GTSE1: variants seen among roughly 807,000 people sequenced by gnomAD.
GTSE1 encodes G2 and S phase-expressed protein 1.
A neutral mutation model predicts 60.5 loss-of-function variants in GTSE1; 52 were observed. The ratio of observed to expected loss-of-function variants is 0.86; its 90% CI spans 0.69 to 1.08. GTSE1 has a LOEUF of 1.08. GTSE1 is among the 50% of genes least tolerant of loss of function. GTSE1 has a pLI of 0.00. For synonymous variants in GTSE1, 368 were observed against 386.5 expected, an observed-to-expected ratio of 0.95 and a Z score of 0.56; for missense variants, 937 against 961.8, an observed-to-expected ratio of 0.97 and a Z score of 0.34.
rs2077759935 is a variant in GTSE1, at chr22:46,313,388, TGTG to T, written c.928-499_928-497del. On this transcript the variant is annotated intron_variant, in intron 5 of 11. Transcript: ENST00000454366. This position sits in a 1 kb window ranked among gnomAD's most constrained non-coding sequence, Gnocchi z 4.4. ...ATCTGCATTTCTGCTAGCTCCCTAA[TGTG>T]GTCCTCATGCAGGGGTTTGAAGACT... Among the ~76,000 whole-genome samples, 2 of 152,212 alleles carry T rather than the reference TGTG, an allele frequency of 1.3e-5. No homozygotes were observed. Among genetic ancestry groups the T allele is most frequent in the African/African-American group, 4.8e-5 (2 of 41,464 alleles).
chr22:46,316,498 A>G lies in GTSE1; in HGVS notation c.1432+86A>G, dbSNP rs2077781590. 1.0e-6 allele frequency: 1 copy of G among 975,458 alleles called. No homozygotes were observed. Among genetic ancestry groups the G allele is most frequent in the Admixed American group, 2.3e-5 (1 of 43,262 alleles). The allele number at this position is 975,458 out of a possible 1,614,324, so 60.4% of individuals were successfully genotyped here. ...TTTTAAACAATTATTGATGGCATTG[A>G]TGGTGTTTTTAGTTCTTTCCTCCAA... is the stretch of plus-strand genomic sequence containing the variant. On this transcript the variant is annotated intron_variant, in intron 7 of 11. Transcript: ENST00000454366. The surrounding 1 kb of genome is among the most constrained non-coding windows in gnomAD (Gnocchi z 5.0).
intron 6 of GTSE1, among the ~76,000 whole-genome samples, chr22:46,315,410 G>A (rs2077773155): frequency 6.6e-6 from 1 of 152,128 alleles, no homozygotes; most frequent in Non-Finnish European, 1.5e-5. Flanking sequence ...AGCCAGGCTG[G>A]TCTCGAACTC....
At chr22:46,305,728 G>A (rs2077711870) in intron 2 of GTSE1, among the ~76,000 whole-genome samples, 1 of 151,650 alleles carries the variant, frequency 6.6e-6, no homozygotes, top group Admixed American at 6.6e-5. Flanking sequence ...CCAACATGGT[G>A]AAACCGCATC....
chr22:46,329,469 G>A lies in GTSE1; in HGVS notation c.2038G>A (p.Val680Met), dbSNP rs1001507367. The change falls in exon 11 of 12, where the codon GTG becomes ATG. Residue 680 changes from valine (V) to methionine (M), a missense_variant. Coordinates refer to ENST00000454366, the MANE Select transcript of GTSE1 (RefSeq NM_016426.7). The surrounding 1 kb of genome is among the most constrained non-coding windows in gnomAD (Gnocchi z 6.4). ...IDFCDTPEAH[V>M]AVGSESRPLI... is the part of the protein sequence containing the mutation. The stretch of plus-strand genomic sequence containing the variant: ...CTTCTGCGATACCCCAGAAGCACAC[G>A]TGGCTGTAGGATCTGAAAGCAGGCC... The A allele has an allele frequency of 2.5e-6, 4 of 1,614,032 alleles. No homozygotes were observed. The highest frequency in any genetic ancestry group is 1.7e-5 in the Admixed American group (1 of 60,010).
In GTSE1 at chr22:46,304,151, C is replaced by T. The variant is rs1466832282; in HGVS notation, c.80-3999C>T. Among the ~76,000 whole-genome samples the T allele has an allele frequency of 6.6e-6, 1 of 151,956 alleles. No homozygotes were observed. Among genetic ancestry groups the T allele is most frequent in the Non-Finnish European group, 1.5e-5 (1 of 67,996 alleles). ...ACTACAGGTATATGGCACCATACCC[C>T]GCTCATTTTTTTTTTTCTTTTTGTA... On this transcript the variant is annotated intron_variant, in intron 2 of 11. Coordinates refer to ENST00000454366, the MANE Select transcript of GTSE1 (RefSeq NM_016426.7). This position sits in a 1 kb window ranked among gnomAD's most constrained non-coding sequence, Gnocchi z 4.4.
rs546328576 is a variant in GTSE1 at position 46,308,526 on chromosome 22, C to T, written c.345C>T (p.Ser115=). ...TACTGGCTTTACACATTGAGAGCAGCAGCCGGAACCAGGCAGCCCAAGCTG... is the reference window on the plus strand; with the variant it reads ...TACTGGCTTTACACATTGAGAGCAGTAGCCGGAACCAGGCAGCCCAAGCTG... The part of the protein sequence containing the change: ...AHLLALHIES[S]SRNQAAQAAK... The change falls in exon 4 of 12, where the codon AGC becomes AGT. Residue 115 remains serine (S), a synonymous_variant. Transcript: ENST00000454366. 1.9e-6 allele frequency: 3 copies of T among 1,614,202 alleles called. No individual in the cohort carries two copies. The highest frequency in any genetic ancestry group is 1.7e-5 in the Admixed American group (1 of 60,038).
chr22:46,297,266 C>G lies in GTSE1; in HGVS notation c.-21-114C>G. On this transcript the variant is annotated intron_variant, in intron 1 of 11. Coordinates refer to ENST00000454366, the MANE Select transcript of GTSE1 (RefSeq NM_016426.7). The surrounding 1 kb of genome is among the most constrained non-coding windows in gnomAD (Gnocchi z 4.9). ...CAGAGCGGCCCCCGCGCCGCCTCTC[C>G]CAGACCTGGCCGCGGCCTTCAGCTC... The G allele has an allele frequency of 1.4e-6, 1 of 714,454 alleles. No individual in the cohort carries two copies. Among genetic ancestry groups the G allele is most frequent in the Admixed American group, 2.2e-5 (1 of 45,946 alleles). The allele number at this position is 714,454 out of a possible 1,614,324, so 44.3% of individuals were successfully genotyped here.
Position 46,319,196 on chromosome 22 carries a change from C to T in GTSE1, c.1432+2784C>T, listed in dbSNP as rs1951915664. ...GGAGGGGCAGCCCGAGGCCGGCTCCCAGAGCGCCGCGTGACCAGAGCGGAC... is the reference window on the plus strand; with the variant it reads ...GGAGGGGCAGCCCGAGGCCGGCTCCTAGAGCGCCGCGTGACCAGAGCGGAC... On this transcript the variant is annotated intron_variant, in intron 7 of 11. Transcript: ENST00000454366. This position sits in a 1 kb window ranked among gnomAD's most constrained non-coding sequence, Gnocchi z 5.0. Among the ~76,000 whole-genome samples, 1 of 152,178 alleles carries T rather than the reference C, an allele frequency of 6.6e-6. No homozygotes were observed. The highest frequency in any genetic ancestry group is 2.4e-5 in the African/African-American group (1 of 41,440).
rs2077662508 is a variant in GTSE1 at position 46,297,288 on chromosome 22, GCT to G, written c.-21-85_-21-84del. The G allele has an allele frequency of 6.2e-6, 5 of 805,312 alleles. No homozygotes were observed. Among genetic ancestry groups the G allele is most frequent in the Non-Finnish European group, 8.6e-6 (4 of 467,730 alleles). 49.9% of individuals were successfully genotyped at this position (805,312 alleles called of 1,614,324 possible). A position where few individuals can be genotyped will look rare whatever the true frequency, so the allele number is the denominator to read the frequency against. ...CTCCCAGACCTGGCCGCGGCCTTCA[GCT>G]CTCTCTGCCTCTGTGAGCCGAGGGC... On this transcript the variant is annotated intron_variant, in intron 1 of 11. Transcript: ENST00000454366. This position sits in a 1 kb window ranked among gnomAD's most constrained non-coding sequence, Gnocchi z 4.9.
rs996681397 is a variant in GTSE1 at position 46,324,183 on chromosome 22, G to A, written c.1505+921G>A. Among the ~76,000 whole-genome samples the A allele has an allele frequency of 9.9e-5, 15 of 152,096 alleles. No individual in the cohort carries two copies. The highest frequency in any genetic ancestry group is 3.1e-4 in the African/African-American group (13 of 41,444). On this transcript the variant is annotated intron_variant, in intron 8 of 11. Coordinates refer to ENST00000454366, the MANE Select transcript of GTSE1 (RefSeq NM_016426.7). This position sits in a 1 kb window ranked among gnomAD's most constrained non-coding sequence, Gnocchi z 5.2. ...AGCTTGAGACACGCTTCGCGAGGTC[G>A]AACTAGCCAGTCCCTCACGTGCTGC...
intron 9 of GTSE1, among the ~76,000 whole-genome samples, chr22:46,327,702 T>TA (rs2077852061): frequency 6.6e-6 from 1 of 152,166 alleles, no homozygotes; most frequent in Non-Finnish European, 1.5e-5. Flanking sequence ...AAAAAACATA[T>TA]ATAATATCCG....
At chr22:46,315,964 C>T in intron 6 of GTSE1, 68 bp from the exon 7 acceptor site, 2 of 1,225,558 alleles carry the variant, frequency 1.6e-6, no homozygotes, top group Non-Finnish European at 2.3e-6. Context: ...GACAGCATAA[C>T]TTCTGTGTGT....
At position 46,308,355 on chromosome 22, in the gene GTSE1, T is replaced by C. The variant is rs1326739811; in HGVS notation, c.174T>C (p.Phe58=). Residue 58 remains phenylalanine, a synonymous_variant, in exon 4 of 12, where the codon TTT becomes TTC. Coordinates refer to ENST00000454366, the MANE Select transcript of GTSE1 (RefSeq NM_016426.7). ...ATGATGAAGTCTTCTTCGGACCCTT[T>C]GGACATAAAGAAAGATGTATTGCTG... ...NEDDEVFFGP[F]GHKERCIAAS... The C allele has an allele frequency of 6.2e-7, 1 of 1,614,146 alleles. No individual in the cohort carries two copies. The highest frequency in any genetic ancestry group is 8.5e-7 in the Non-Finnish European group (1 of 1,179,956).
rs2077787805 is a variant in GTSE1 at position 46,317,409 on chromosome 22, G to C, written c.1432+997G>C. ...CCCCTTATTTCTTCTCATGGTACTT[G>C]GGTTTTCTTTTACATCCTCGTGAGC... On this transcript the variant is annotated intron_variant, in intron 7 of 11. Transcript: ENST00000454366. The surrounding 1 kb of genome is among the most constrained non-coding windows in gnomAD (Gnocchi z 5.6). 6.6e-6 allele frequency among the ~76,000 whole-genome samples: 1 copy of C among 152,090 alleles called. No individual in the cohort carries two copies. The highest frequency in any genetic ancestry group is 2.1e-4 in the South Asian group (1 of 4,828).
At position 46,324,033 on chromosome 22, in the gene GTSE1, T is replaced by G. The variant is rs1269318085; in HGVS notation, c.1505+771T>G. On this transcript the variant is annotated intron_variant, in intron 8 of 11. Coordinates refer to ENST00000454366, the MANE Select transcript of GTSE1 (RefSeq NM_016426.7). This position sits in a 1 kb window ranked among gnomAD's most constrained non-coding sequence, Gnocchi z 5.2. ...CCCAGCTCCACCACTTCCTGGTCTT[T>G]GATCCAGTTTAAGTTCCCGAATGTT... 6.6e-6 allele frequency among the ~76,000 whole-genome samples: 1 copy of G among 152,180 alleles called. No individual in the cohort carries two copies. The highest frequency in any genetic ancestry group is 1.5e-5 in the Non-Finnish European group (1 of 68,032).
intron 8 of GTSE1, among the ~76,000 whole-genome samples, chr22:46,325,193 G>GATTT (rs945681978): frequency 3.3e-5 from 5 of 151,932 alleles, no homozygotes; most frequent in East Asian, 3.9e-4. Flanking sequence ...CTTTTATGCT[G>GATTT]ATTTATTTAT....
Position 46,321,554 on chromosome 22 carries a change from G to A in GTSE1, c.1433-1636G>A, listed in dbSNP as rs1407505998. On this transcript the variant is annotated intron_variant, in intron 7 of 11. Transcript: ENST00000454366. The surrounding 1 kb of genome is among the most constrained non-coding windows in gnomAD (Gnocchi z 4.0). ...AACGCACAGGTGGGGGCGGTGGGGA[G>A]GTGTGAGGGGCAGATTCTTAACTCT... 6.6e-6 allele frequency among the ~76,000 whole-genome samples: 1 copy of A among 152,200 alleles called. No individual in the cohort carries two copies. The highest frequency in any genetic ancestry group is 2.4e-5 in the African/African-American group (1 of 41,464).
In GTSE1 at chr22:46,308,428, A is replaced by T; in HGVS notation, c.247A>T (p.Thr83Ser). The change falls in exon 4 of 12, where the codon ACA becomes TCA. Residue 83 changes from threonine to serine, a missense_variant. Physicochemically the swap from Thr to Ser is moderately conservative, Grantham distance 58. Coordinates refer to ENST00000454366, the MANE Select transcript of GTSE1 (RefSeq NM_016426.7). Reference sequence around the variant, plus strand: ...GGTTCCCGAACAGCCTCCGTTGCCCACATCTGAGAGTCCCTTTGCCTGGAG... The same window carrying T: ...GGTTCCCGAACAGCCTCCGTTGCCCTCATCTGAGAGTCCCTTTGCCTGGAG... The part of the protein sequence containing the change: ...NPVPEQPPLP[T>S]SESPFAWSPL... The T allele has an allele frequency of 6.2e-7, 1 of 1,614,154 alleles. No homozygotes were observed. Among genetic ancestry groups the T allele is most frequent in the South Asian group, 1.1e-5 (1 of 91,080 alleles).
Position 46,308,927 on chromosome 22 carries a change from C to T in GTSE1, c.746C>T (p.Pro249Leu). ...GCCTCTGTTAGAGGAAGAAGCATCC[C>T]TGGGGCTGCGGAGAAGGTAAATGCC... ...RAASVRGRSI[P>L]GAAEKPKKEI... The change falls in exon 4 of 12, where the codon CCT becomes CTT. Residue 249 changes from proline (P) to leucine (L), a missense_variant. Pro to Leu is a moderately conservative substitution (Grantham distance 98). Coordinates refer to ENST00000454366, the MANE Select transcript of GTSE1 (RefSeq NM_016426.7). 1 of 1,610,638 alleles carries T rather than the reference C, an allele frequency of 6.2e-7. No individual in the cohort carries two copies.
Sources: allele counts gnomAD v4.1 joint callset (sites outside exome capture counted in the v4.1 genomes callset), GRCh38; gene constraint gnomAD v4.1.1; non-coding constraint Gnocchi (gnomAD v3.1); transcripts MANE v1.5; gene names NCBI Gene and HGNC (gene_info 2026-07-23, HGNC 2026-07-21).